The following MACROD2 variants were observed in gnomAD, a reference collection of about 807,000 sequenced individuals.
MACROD2 encodes the protein ADP-ribose glycohydrolase MACROD2.
MACROD2 carries 36 observed loss-of-function variants against 70.4 expected under a neutral mutation model. That is an observed-to-expected ratio of 0.51 (90% CI 0.39 to 0.68). MACROD2 has a LOEUF of 0.68. MACROD2 is among the 30% of genes least tolerant of loss of function. The pLI, the probability that MACROD2 is intolerant of heterozygous loss-of-function variation, is 0.00. For synonymous variants in MACROD2, 172 were observed against 178.8 expected (o/e 0.96, Z 0.30); for missense variants, 496 against 538.4 (o/e 0.92, Z 0.78).
chr20:15,415,886 T>A (rs923368923), intron 6 of MACROD2, among the ~76,000 whole-genome samples: 2 of 152,160 alleles, frequency 1.3e-5, no homozygotes, highest in Admixed American at 6.5e-5. Context: ...CTCTCTACTC[T>A]TAGTGAATCC....
intron 1 of MACROD2, among the ~76,000 whole-genome samples, chr20:14,002,045 A>C (rs2052739067): frequency 6.6e-6 from 1 of 152,130 alleles, no homozygotes; most frequent in Non-Finnish European, 1.5e-5. Flanking sequence ...AGTGTAAATG[A>C]GTTTACTTAT....
intron 8 of MACROD2, among the ~76,000 whole-genome samples, chr20:15,728,783 C>CT (rs1040836686): frequency 1.3e-5 from 2 of 151,812 alleles, no homozygotes; most frequent in Non-Finnish European, 2.9e-5. Flanking sequence ...TTTGAATCTT[C>CT]TTTTTTTATT....
intron 6 of MACROD2, among the ~76,000 whole-genome samples, chr20:15,324,369 T>A (rs1280941163): frequency 6.6e-6 from 1 of 152,176 alleles, no homozygotes; most frequent in Non-Finnish European, 1.5e-5. Context: ...TTACATCTTA[T>A]CTCCTCTCTG....
intron 5 of MACROD2, among the ~76,000 whole-genome samples, chr20:15,186,406 T>C (rs1260062987): frequency 1.3e-5 from 2 of 152,288 alleles, no homozygotes; most frequent in East Asian, 3.9e-4. Context: ...TCTACTTTTT[T>C]CTTTTATGGA....
At chr20:15,374,161 T>C (rs921093555) in intron 6 of MACROD2, among the ~76,000 whole-genome samples, 10 of 152,022 alleles carry the variant, frequency 6.6e-5, no homozygotes, top group African/African-American at 2.4e-4. Context: ...AATATATGTA[T>C]AATTTCTATA....
chr20:14,924,533 A>G (rs2074205367), intron 5 of MACROD2, among the ~76,000 whole-genome samples: 1 of 152,224 alleles, frequency 6.6e-6, no homozygotes, highest in Non-Finnish European at 1.5e-5. Flanking sequence ...TCAAAGGAAT[A>G]AGATGATGCG....
chr20:15,846,911 T>TTTTATATATATATATATA (rs1555786479), intron 8 of MACROD2, among the ~76,000 whole-genome samples: 1 of 138,104 alleles, frequency 7.2e-6, no homozygotes, highest in Non-Finnish European at 1.5e-5. Flanking sequence ...AAAAAAAAAA[T>TTTTATATATATATATATA]TATATATATA....
chr20:15,499,940 A>G (rs945875833), intron 8 of MACROD2, 93 bp downstream of exon 8: 2 of 1,206,328 alleles, frequency 1.7e-6, no homozygotes, highest in Non-Finnish European at 1.2e-6. Context: ...ATAAATATCA[A>G]CTACACCTAG....
chr20:14,451,403 C>T (rs963115022), intron 3 of MACROD2, among the ~76,000 whole-genome samples: 1 of 152,126 alleles, frequency 6.6e-6, no homozygotes, highest in African/African-American at 2.4e-5. Flanking sequence ...GAGCTGAGAT[C>T]ATGCCACTGC....
At chr20:15,679,680 G>C (rs974643761) in intron 8 of MACROD2, among the ~76,000 whole-genome samples, 3 of 152,168 alleles carry the variant, frequency 2.0e-5, no homozygotes, top group African/African-American at 4.8e-5. Flanking sequence ...AGACCACACA[G>C]AGGGACCATG....
chr20:15,362,010 T>C (rs921489280), intron 6 of MACROD2, among the ~76,000 whole-genome samples: 2 of 127,110 alleles, frequency 1.6e-5, no homozygotes, highest in African/African-American at 6.1e-5. Context: ...ATTTCTTCCT[T>C]TTTTTTTTTT....
intron 3 of MACROD2, among the ~76,000 whole-genome samples, chr20:14,442,386 G>A (rs934106930): frequency 2.6e-5 from 4 of 151,852 alleles, no homozygotes; most frequent in African/African-American, 9.7e-5. Flanking sequence ...TTTGTATTTT[G>A]GTCAATTTTA....
rs749746120 is a variant in MACROD2 at position 14,065,466 on chromosome 20, G to A, written c.164-20155G>A. 5.9e-5 allele frequency among the ~76,000 whole-genome samples: 9 copies of A among 152,172 alleles called. No homozygotes were observed. In the South Asian group the frequency reaches 1.7e-3, roughly 28 times the overall value. On this transcript the variant is annotated intron_variant, in intron 2 of 17. Coordinates refer to ENST00000684519, the MANE Select transcript of MACROD2 (RefSeq NM_001351661.2). ...AGAAAGGAGTATTTGGGCATAATTAGTGTTTTTACAAAGTATGTATAGGGT... is the reference window on the plus strand; with the variant it reads ...AGAAAGGAGTATTTGGGCATAATTAATGTTTTTACAAAGTATGTATAGGGT...
intron 8 of MACROD2, among the ~76,000 whole-genome samples, chr20:15,519,179 C>T (rs1450329318): frequency 2.6e-5 from 4 of 151,694 alleles, no homozygotes; most frequent in Non-Finnish European, 4.4e-5. Context: ...GGCACGACCT[C>T]GGCTCACTGC....
rs1197949151 is a variant in MACROD2, at chr20:15,065,625, G to A, written c.419-164315G>A. 5.5e-5 allele frequency among the ~76,000 whole-genome samples: 8 copies of A among 146,496 alleles called. No homozygotes were observed. The East Asian group carries it at 1.6e-3, about 29-fold the overall frequency. ...GCCAAGATCGCGCCACTGCACTCTA[G>A]CCTGGGCGACAGAGCGAGACTCCGT... On this transcript the variant is annotated intron_variant, in intron 5 of 17. Transcript: ENST00000684519.
chr20:15,017,519 T>A (rs549338239), intron 5 of MACROD2, among the ~76,000 whole-genome samples: 2 of 152,234 alleles, frequency 1.3e-5, no homozygotes, highest in East Asian at 3.9e-4. Flanking sequence ...TGGAGGACGG[T>A]GGTCCTCTTC....
intron 3 of MACROD2, among the ~76,000 whole-genome samples, chr20:14,382,554 G>A (rs1251770969): frequency 6.6e-6 from 1 of 151,926 alleles, no homozygotes; most frequent in Non-Finnish European, 1.5e-5. Context: ...TGTAATCCCA[G>A]CGACTCCGGA....
At chr20:14,628,945 G>A (rs1274189945) in intron 4 of MACROD2, 2 of 152,214 alleles carry the variant, frequency 1.3e-5, no homozygotes, top group Admixed American at 6.5e-5. Context: ...TGGAACTTTG[G>A]TGATGTTTTC....
At chr20:15,999,025 C>T (rs1435582884) in intron 15 of MACROD2, among the ~76,000 whole-genome samples, 1 of 152,012 alleles carries the variant, frequency 6.6e-6, no homozygotes, top group African/African-American at 2.4e-5. Flanking sequence ...AAATTTTTAC[C>T]ATTTTTTTCT....
Sources: gnomAD v4.1 joint callset for allele counts (sites outside exome capture counted in the v4.1 genomes callset) on GRCh38, gnomAD v4.1.1 for gene constraint, MANE v1.5 for transcripts, NCBI Gene and HGNC (gene_info 2026-07-23, HGNC 2026-07-21) for gene names.